The following HPR variants were observed in gnomAD, a reference collection of about 807,000 sequenced individuals.
The protein encoded by HPR is Haptoglobin-related locus.
A neutral mutation model predicts 18.5 loss-of-function variants in HPR; 17 were observed. That is an observed-to-expected ratio of 0.92 (90% CI 0.63 to 1.38). HPR has a LOEUF of 1.38. Among genes scored for constraint, HPR ranks in the 40% most tolerant of loss-of-function variants. The pLI is 0.00. For missense variants in HPR, 457 were observed against 432.4 expected (o/e 1.06, Z -0.51); for synonymous variants, 176 against 165.0 (o/e 1.07, Z -0.51).
Position 72,076,781 on chromosome 16 carries a change from C to A in HPR, c.747C>A (p.Tyr249Ter). 3 of 1,614,194 alleles carry A rather than the reference C, an allele frequency of 1.9e-6. No homozygotes were observed. The highest frequency in any genetic ancestry group is 2.5e-6 in the Non-Finnish European group (3 of 1,180,042). The change falls in exon 5 of 5, where the codon TAC becomes TAA. Residue 249 changes from tyrosine (Y) to a stop codon, truncating the protein, a stop_gained. Transcript: ENST00000540303. LOFTEE classifies it high-confidence loss of function. ...TCATGCTGCCTGTGGCTGACCAATACGATTGCATAACGCATTATGAAGGCA... is the reference window on the plus strand; with the variant it reads ...TCATGCTGCCTGTGGCTGACCAATAAGATTGCATAACGCATTATGAAGGCA... ...KYVMLPVADQ[Y>*]DCITHYEGST...
At chr16:72,066,348 G>A (rs1252223065) in intron 1 of HPR, among the ~76,000 whole-genome samples, 1 of 152,084 alleles carries the variant, frequency 6.6e-6, no homozygotes, top group African/African-American at 2.4e-5. Flanking sequence ...CTTCTTTTCA[G>A]GGGAGGAAAG....
intron 1 of HPR, among the ~76,000 whole-genome samples, chr16:72,063,967 C>T (rs2041570380): frequency 6.6e-6 from 1 of 152,156 alleles, no homozygotes; most frequent in African/African-American, 2.4e-5. Context: ...ATCTCGATCT[C>T]TTGACCTCGT....
intron 1 of HPR, among the ~76,000 whole-genome samples, chr16:72,064,900 A>C (rs2041581644): frequency 6.6e-6 from 1 of 152,182 alleles, no homozygotes; most frequent in African/African-American, 2.4e-5. Context: ...ATCGAGACCC[A>C]CCTGGTCTGA....
At chr16:72,069,361 G>A (rs1442177582) in intron 1 of HPR, among the ~76,000 whole-genome samples, 1 of 152,182 alleles carries the variant, frequency 6.6e-6, no homozygotes, top group Non-Finnish European at 1.5e-5. Flanking sequence ...TCTTTTGAAA[G>A]TCGAGGAAAT....
chr16:72,076,635 A>T lies in HPR; in HGVS notation c.601A>T (p.Asn201Tyr). 6.2e-7 allele frequency: 1 copy of T among 1,614,180 alleles called. No homozygotes were observed. The highest frequency in any genetic ancestry group is 1.1e-5 in the South Asian group (1 of 91,076). ...CAAACTCAAACAGAAGGTGCTTGTT[A>T]ATGAGAGAGTGATGCCCATCTGCCT... Reference protein sequence around the residue: ...LIKLKQKVLVNERVMPICLPS... With the variant: ...LIKLKQKVLVYERVMPICLPS... Residue 201 changes from asparagine (N) to tyrosine (Y), a missense_variant, in exon 5 of 5, where the codon AAT becomes TAT. Asn to Tyr is a moderately radical substitution (Grantham distance 143, BLOSUM62 -2). Coordinates refer to ENST00000540303, the MANE Select transcript of HPR (RefSeq NM_020995.4).
intron 1 of HPR, among the ~76,000 whole-genome samples, chr16:72,067,291 G>T (rs551664892): frequency 6.6e-6 from 1 of 152,148 alleles, no homozygotes; most frequent in Non-Finnish European, 1.5e-5. Flanking sequence ...CTGTTCCTCT[G>T]TTTGTTTCCC....
At chr16:72,068,998 C>T (rs1157623448) in intron 1 of HPR, among the ~76,000 whole-genome samples, 2 of 152,120 alleles carry the variant, frequency 1.3e-5, no homozygotes, top group East Asian at 3.9e-4. Context: ...TTCCTCCCAG[C>T]TGATTGAGGG....
intron 1 of HPR, among the ~76,000 whole-genome samples, chr16:72,069,990 G>A (rs1051888187): frequency 2.0e-5 from 3 of 152,144 alleles, no homozygotes; most frequent in Non-Finnish European, 4.4e-5. Context: ...CCATTTCACT[G>A]CATATGTCAT....
At chr16:72,074,042 C>G in intron 2 of HPR, 65 bp downstream of exon 2, 1 of 1,596,662 alleles carries the variant, frequency 6.3e-7, no homozygotes, top group East Asian at 2.2e-5. Flanking sequence ...CTGACTCTCT[C>G]GGGTCTGCAT....
Position 72,076,738 on chromosome 16 carries a change from C to G in HPR, c.704C>G (p.Thr235Ser). The G allele has an allele frequency of 6.2e-7, 1 of 1,614,200 alleles. No homozygotes were observed. The highest frequency in any genetic ancestry group is 8.5e-7 in the Non-Finnish European group (1 of 1,180,042). The change falls in exon 5 of 5, where the codon ACT (threonine) becomes AGT (serine). Residue 235 changes from threonine (T) to serine (S), a missense_variant. Coordinates refer to ENST00000540303, the MANE Select transcript of HPR (RefSeq NM_020995.4). ...GGACAAAGTGACAACTTTAAACTTA[C>G]TGACCATCTGAAGTATGTCATGCTG... is the stretch of plus-strand genomic sequence containing the variant. ...GWGQSDNFKL[T>S]DHLKYVMLPV...
At chr16:72,075,842 T>C (rs576589182) in intron 4 of HPR, among the ~76,000 whole-genome samples, 1 of 151,684 alleles carries the variant, frequency 6.6e-6, no homozygotes, top group East Asian at 1.9e-4. Context: ...TCTTTTTTTT[T>C]TTTTTTGAGA....
intron 1 of HPR, among the ~76,000 whole-genome samples, chr16:72,067,835 A>C (rs2041614136): frequency 6.6e-6 from 1 of 152,168 alleles, no homozygotes; most frequent in South Asian, 2.1e-4. Flanking sequence ...GCCATTAACC[A>C]AACAGTCCAG....
intron 1 of HPR, among the ~76,000 whole-genome samples, chr16:72,067,984 T>G (rs1277191639): frequency 6.6e-6 from 1 of 152,146 alleles, no homozygotes; most frequent in Non-Finnish European, 1.5e-5. Flanking sequence ...ACATTTGCCT[T>G]TGAGTGGGAA....
Position 72,076,406 on chromosome 16 carries a change from C to T in HPR, c.372C>T (p.His124=), listed in dbSNP as rs1353540200. 1 of 1,614,178 alleles carries T rather than the reference C, an allele frequency of 6.2e-7. No individual in the cohort carries two copies. Among genetic ancestry groups the T allele is most frequent in the South Asian group, 1.1e-5 (1 of 91,076 alleles). The change falls in exon 5 of 5, where the codon CAC becomes CAT. Residue 124 remains histidine (H), a synonymous_variant. Coordinates refer to ENST00000540303, the MANE Select transcript of HPR (RefSeq NM_020995.4). ...SFPWQAKMVS[H]HNLTTGATLI... ...CCTGGCAGGCTAAGATGGTTTCCCA[C>T]CATAATCTCACCACAGGGGCCACGC...
rs777539219 is a variant in HPR at position 72,073,982 on chromosome 16, G to C, written c.91+5G>C. The C allele has an allele frequency of 6.2e-7, 1 of 1,614,042 alleles. No homozygotes were observed. The stretch of plus-strand genomic sequence containing the variant: ...ATGATGTCACGGATATTTCAGGTCA[G>C]TCTTTGAGTTGGGTAGGAGCATGCA... On this transcript the variant is annotated splice_donor_5th_base_variant and intron_variant, in intron 2 of 4. Transcript: ENST00000540303.
At chr16:72,075,282 G>C in intron 4 of HPR, 63 bp downstream of exon 4, 3 of 879,086 alleles carry the variant, frequency 3.4e-6, no homozygotes, top group Non-Finnish European at 5.3e-6. Flanking sequence ...ACGTCCTAGA[G>C]GCACAGCCTT....
chr16:72,073,004 CT>C (rs2041673821), intron 1 of HPR, among the ~76,000 whole-genome samples: 1 of 152,174 alleles, frequency 6.6e-6, no homozygotes, highest in South Asian at 2.1e-4. Flanking sequence ...CAGTCGTTAT[CT>C]ATAGAGCCCA....
At chr16:72,075,833 CT>C (rs34334289) in intron 4 of HPR, among the ~76,000 whole-genome samples, 352 of 142,342 alleles carry the variant, frequency 2.5e-3, no homozygotes, top group African/African-American at 2.4e-3. Flanking sequence ...TTCTTTCTTT[CT>C]TTTTTTTTTT....
chr16:72,067,533 C>T (rs2041610611), intron 1 of HPR, among the ~76,000 whole-genome samples: 1 of 152,168 alleles, frequency 6.6e-6, no homozygotes, highest in Non-Finnish European at 1.5e-5. Flanking sequence ...CTTCATTAAA[C>T]TTACTCACCA....
Sources: gnomAD v4.1 joint callset for allele counts (sites outside exome capture counted in the v4.1 genomes callset) on GRCh38, gnomAD v4.1.1 for gene constraint, MANE v1.5 for transcripts, NCBI Gene and HGNC (gene_info 2026-07-23, HGNC 2026-07-21) for gene names.